GRID2: variants seen among roughly 807,000 people sequenced by gnomAD.
GRID2 encodes the protein glutamate ionotropic receptor delta type subunit 2.
In GRID2, 33 loss-of-function variants were observed where a neutral mutation model predicts 114.8. The ratio of observed to expected loss-of-function variants is 0.29; its 90% CI spans 0.22 to 0.38. The LOEUF is 0.38. Ranked by LOEUF, GRID2 falls within the 10% of genes least tolerant of loss-of-function variation. The pLI is 1.00. For synonymous variants in GRID2, 505 were observed against 449.9 expected, an observed-to-expected ratio of 1.12 and a Z score of -1.55; for missense variants, 1,184 against 1,257.7, an observed-to-expected ratio of 0.94 and a Z score of 0.89.
chr4:93,024,797 T>C, intron 2 of GRID2, among the ~76,000 whole-genome samples: 1 of 151,740 alleles, frequency 6.6e-6, no homozygotes, highest in Non-Finnish European at 1.5e-5. Flanking sequence ...TTATCCACTA[T>C]CACACTGAAA....
intron 4 of GRID2, among the ~76,000 whole-genome samples, chr4:93,163,260 C>A (rs958524205): frequency 6.7e-6 from 1 of 149,330 alleles, no homozygotes. Flanking sequence ...AATCTAAGAA[C>A]ATTATGGAGC....
At chr4:92,336,745 T>G (rs1460870460) in intron 1 of GRID2, among the ~76,000 whole-genome samples, 4 of 152,152 alleles carry the variant, frequency 2.6e-5, no homozygotes, top group African/African-American at 9.6e-5. Flanking sequence ...CTCTACCTCC[T>G]CACCAACCAT....
intron 2 of GRID2, among the ~76,000 whole-genome samples, chr4:92,647,001 T>C (rs1244125834): frequency 6.6e-6 from 1 of 152,220 alleles, no homozygotes; most frequent in African/African-American, 2.4e-5. Flanking sequence ...ATTTCGGTAG[T>C]AGCAGTACAA....
At chr4:92,370,768 T>A (rs1186335024) in intron 1 of GRID2, among the ~76,000 whole-genome samples, 1 of 152,152 alleles carries the variant, frequency 6.6e-6, no homozygotes, top group Admixed American at 6.6e-5. Flanking sequence ...TTGATTTTTG[T>A]ATGTGGTGAA....
chr4:93,029,077 T>C (rs1228569817), intron 2 of GRID2, among the ~76,000 whole-genome samples: 2 of 152,144 alleles, frequency 1.3e-5, no homozygotes, highest in Non-Finnish European at 2.9e-5. Flanking sequence ...ACATCCTGAG[T>C]TCCCATTACA....
intron 1 of GRID2, among the ~76,000 whole-genome samples, chr4:92,530,607 G>A (rs1454665056): frequency 1.3e-5 from 2 of 150,428 alleles, no homozygotes; most frequent in African/African-American, 4.9e-5. Context: ...ACTTTAAAAA[G>A]AGGTCCTTAA....
intron 2 of GRID2, among the ~76,000 whole-genome samples, chr4:92,634,053 GGAA>G (rs1579727597): frequency 6.6e-6 from 1 of 150,980 alleles, no homozygotes; most frequent in Non-Finnish European, 1.5e-5. Context: ...GGGCCACATT[GGAA>G]GAAGAATTGT....
chr4:93,521,711 G>GA (rs1262878982), intron 13 of GRID2, among the ~76,000 whole-genome samples: 2 of 151,492 alleles, frequency 1.3e-5, no homozygotes, highest in Non-Finnish European at 2.9e-5. Flanking sequence ...CCAGGTACTG[G>GA]AAAAAAAATG....
At chr4:93,399,623 A>G (rs1765685871) in intron 9 of GRID2, among the ~76,000 whole-genome samples, 1 of 152,134 alleles carries the variant, frequency 6.6e-6, no homozygotes, top group Non-Finnish European at 1.5e-5. Context: ...AAAGCAATAG[A>G]GCCATGGGAG....
At chr4:93,614,930 A>G (rs941177432) in intron 13 of GRID2, among the ~76,000 whole-genome samples, 1 of 152,214 alleles carries the variant, frequency 6.6e-6, no homozygotes, top group African/African-American at 2.4e-5. Flanking sequence ...TTCTTCTCCG[A>G]TAATACTTCA....
At chr4:93,623,594 A>C (rs1182733926) in intron 13 of GRID2, among the ~76,000 whole-genome samples, 1 of 152,242 alleles carries the variant, frequency 6.6e-6, no homozygotes, top group Non-Finnish European at 1.5e-5. Flanking sequence ...CCAAATGTCC[A>C]ACAATGATAG....
intron 4 of GRID2, among the ~76,000 whole-genome samples, chr4:93,168,548 A>G (rs1398432293): frequency 2.0e-5 from 3 of 152,118 alleles, no homozygotes; most frequent in South Asian, 2.1e-4. Flanking sequence ...ATGGGATTCC[A>G]TAAATTAATT....
At chr4:92,430,394 T>C (rs1732381777) in intron 1 of GRID2, among the ~76,000 whole-genome samples, 1 of 152,168 alleles carries the variant, frequency 6.6e-6, no homozygotes, top group South Asian at 2.1e-4. Context: ...GGCATCTTTG[T>C]TGAAAATGAG....
intron 14 of GRID2, among the ~76,000 whole-genome samples, chr4:93,709,309 A>G (rs1421590504): frequency 6.6e-6 from 1 of 152,036 alleles, no homozygotes; most frequent in East Asian, 1.9e-4. Context: ...TTTATTTCTC[A>G]TGGAAAGTAT....
chr4:93,174,178 A>G (rs1177495843), intron 4 of GRID2, among the ~76,000 whole-genome samples: 2 of 152,156 alleles, frequency 1.3e-5, no homozygotes, highest in Admixed American at 6.5e-5. Flanking sequence ...GTGTTATTGT[A>G]TGTGTAGTTT....
chr4:92,700,483 T>A (rs888660616), intron 2 of GRID2, among the ~76,000 whole-genome samples: 8 of 152,142 alleles, frequency 5.3e-5, no homozygotes, highest in African/African-American at 1.4e-4. Flanking sequence ...TAGGGGGAAA[T>A]GTGCATAGTA....
At chr4:93,499,672 G>T (rs1284728209) in intron 12 of GRID2, among the ~76,000 whole-genome samples, 1 of 151,892 alleles carries the variant, frequency 6.6e-6, no homozygotes, top group African/African-American at 2.4e-5. Context: ...TTCTTCAAAA[G>T]CAAAGACTAT....
intron 12 of GRID2, among the ~76,000 whole-genome samples, chr4:93,504,885 T>A (rs1222302310): frequency 1.3e-5 from 2 of 152,098 alleles, no homozygotes; most frequent in African/African-American, 4.8e-5. Context: ...AGTATTTAAT[T>A]TGACAAAGAG....
intron 13 of GRID2, among the ~76,000 whole-genome samples, chr4:93,597,274 A>G (rs1381439193): frequency 1.3e-5 from 2 of 152,178 alleles, no homozygotes; most frequent in African/African-American, 4.8e-5. Flanking sequence ...TCCTCATGTG[A>G]TAGTAACTAT....
Sources: allele counts gnomAD v4.1 joint callset (sites outside exome capture counted in the v4.1 genomes callset), GRCh38; gene constraint gnomAD v4.1.1; transcripts MANE v1.5; gene names NCBI Gene and HGNC (gene_info 2026-07-23, HGNC 2026-07-21).